The following UHRF1 variants were observed in gnomAD, a reference collection of about 807,000 sequenced individuals.
The protein encoded by UHRF1 is ubiquitin like with PHD and ring finger domains 1.
A neutral mutation model predicts 96.5 loss-of-function variants in UHRF1; 9 were observed. The observed-to-expected ratio is 0.09, with a 90% CI of 0.06 to 0.16. The LOEUF (loss-of-function observed/expected upper bound fraction) is 0.16. UHRF1 is among the 10% of genes least tolerant of loss of function. UHRF1 has a pLI of 1.00. For missense variants in UHRF1, 626 were observed against 1,131.1 expected (o/e 0.55, Z 6.40); for synonymous variants, 455 against 469.9 (o/e 0.97, Z 0.41).
At position 4,940,196 on chromosome 19, in the gene UHRF1, C is replaced by A. The variant is rs115439948; in HGVS notation, c.786-1332C>A. Among the ~76,000 whole-genome samples, 1,354 of 151,990 alleles carry A rather than the reference C, an allele frequency of 8.9e-3. 20 individuals are homozygous for A. The highest frequency in any genetic ancestry group is 0.031 in the African/African-American group (1,295 of 41,452). On this transcript the variant is annotated intron_variant, in intron 5 of 16. Transcript: ENST00000650932. ...CACCTATGTTTACCTCTCAAACGTGCTTATTAGGAAATTTAGAATTACATA... is the reference window on the plus strand; with the variant it reads ...CACCTATGTTTACCTCTCAAACGTGATTATTAGGAAATTTAGAATTACATA...
chr19:4,907,931 C>G (rs979079079), upstream of UHRF1, among the ~76,000 whole-genome samples: 1 of 150,044 alleles, frequency 6.7e-6, no homozygotes, highest in African/African-American at 2.5e-5. Flanking sequence ...AGGCTGGTCT[C>G]GAACTCCTGA....
At chr19:4,920,809 C>T (rs2146308001) in intron 2 of UHRF1, among the ~76,000 whole-genome samples, 3 of 152,248 alleles carry the variant, frequency 2.0e-5, no homozygotes, top group Admixed American at 2.0e-4. Flanking sequence ...TCCCCAGTGG[C>T]TCATGGATCA....
chr19:4,933,204 C>T (rs993120244), intron 5 of UHRF1, among the ~76,000 whole-genome samples: 4 of 152,176 alleles, frequency 2.6e-5, no homozygotes, highest in African/African-American at 9.7e-5. Flanking sequence ...CCCTGACAGG[C>T]AGAGTTGTCA....
chr19:4,945,986 G>A, intron 10 of UHRF1, 21 bp downstream of exon 10: 1 of 1,186,622 alleles, frequency 8.4e-7, no homozygotes, highest in Non-Finnish European at 1.2e-6. Context: ...GTGTGGGAGG[G>A]GTGGGGGAGG....
rs1024442577 is a variant in UHRF1 at position 4,930,017 on chromosome 19, C to G, written c.408+541C>G. 6.6e-6 allele frequency among the ~76,000 whole-genome samples: 1 copy of G among 151,952 alleles called. No individual in the cohort carries two copies. The highest frequency in any genetic ancestry group is 1.5e-5 in the Non-Finnish European group (1 of 68,008). ...TAATACATGGTCTCATTCTGTCGCC[C>G]AGGCTGGAGTACAGTGGTGCCATCT... On this transcript the variant is annotated intron_variant, in intron 3 of 16. Coordinates refer to ENST00000650932, the MANE Select transcript of UHRF1 (RefSeq NM_001048201.3). The surrounding 1 kb of genome is among the most constrained non-coding windows in gnomAD (Gnocchi z 4.4).
chr19:4,954,115 G>T lies in UHRF1; in HGVS notation c.1819-235G>T, dbSNP rs2033789962. On this transcript the variant is annotated intron_variant, in intron 13 of 16. Transcript: ENST00000650932. This position sits in a 1 kb window ranked among gnomAD's most constrained non-coding sequence, Gnocchi z 5.9. ...AGACGTTGGACACTTAGAACAGTGT[G>T]CAGTTTACAACTTAGGAATTGTTTC... is the stretch of plus-strand genomic sequence containing the variant. Among the ~76,000 whole-genome samples, 1 of 152,170 alleles carries T rather than the reference G, an allele frequency of 6.6e-6. No individual in the cohort carries two copies. Among genetic ancestry groups the T allele is most frequent in the Non-Finnish European group, 1.5e-5 (1 of 68,040 alleles).
intron 2 of UHRF1, among the ~76,000 whole-genome samples, chr19:4,917,826 A>C (rs985966820): frequency 2.0e-5 from 3 of 151,688 alleles, no homozygotes; most frequent in African/African-American, 7.3e-5. Context: ...CCCAATATTT[A>C]AATTTTTATT....
chr19:4,946,656 C>T (rs1052993316), intron 10 of UHRF1, among the ~76,000 whole-genome samples: 1 of 151,880 alleles, frequency 6.6e-6, no homozygotes, highest in African/African-American at 2.4e-5. Flanking sequence ...CTCACTACAG[C>T]CACTACCTCC....
intron 11 of UHRF1, 49 bp from the exon 12 acceptor site, chr19:4,950,562 G>T: frequency 1.3e-6 from 2 of 1,567,688 alleles, no homozygotes; most frequent in Admixed American, 2.0e-5. Flanking sequence ...TCCTTTTTTG[G>T]GGGGTACATC....
intron 2 of UHRF1, among the ~76,000 whole-genome samples, chr19:4,927,546 C>T (rs541730839): frequency 2.6e-5 from 4 of 152,150 alleles, no homozygotes; most frequent in Non-Finnish European, 4.4e-5. Flanking sequence ...GGCCTTGGAT[C>T]CCCAAGGGGC....
intron 2 of UHRF1, among the ~76,000 whole-genome samples, chr19:4,923,374 C>G (rs1161379113): frequency 2.6e-5 from 4 of 151,894 alleles, no homozygotes; most frequent in Admixed American, 2.0e-4. Context: ...CAGGCAGCCC[C>G]TCGCCCAGGG....
In UHRF1 at chr19:4,954,928, A is replaced by C. The variant is rs2033817450; in HGVS notation, c.2130+106A>C. On this transcript the variant is annotated intron_variant, in intron 15 of 16. Transcript: ENST00000650932. This position sits in a 1 kb window ranked among gnomAD's most constrained non-coding sequence, Gnocchi z 5.9. ...ATTTTCAAGTGTACAGCTCAGTCGC[A>C]CTGAGTACATTCTTGTGGTTGTGCA... 7.2e-7 allele frequency: 1 copy of C among 1,388,840 alleles called. No homozygotes were observed. Among genetic ancestry groups the C allele is most frequent in the East Asian group, 2.3e-5 (1 of 43,328 alleles). The allele number at this position is 1,388,840 out of a possible 1,614,324, so 86.0% of individuals were successfully genotyped here.
At chr19:4,947,720 C>T (rs867830329) in intron 11 of UHRF1, among the ~76,000 whole-genome samples, 6 of 150,776 alleles carry the variant, frequency 4.0e-5, no homozygotes, top group Admixed American at 2.0e-4. Flanking sequence ...AGGCTGGTCT[C>T]GAACTCCTGA....
intron 2 of UHRF1, among the ~76,000 whole-genome samples, chr19:4,917,131 CTTTT>C (rs2032545129): frequency 0.011 from 509 of 46,174 alleles, 4 homozygotes; most frequent in African/African-American, 0.036. Flanking sequence ...TTTTTTTTTT[CTTTT>C]TTATAGAGAT....
chr19:4,932,128 A>T (rs573114189), intron 4 of UHRF1, among the ~76,000 whole-genome samples: 10 of 151,994 alleles, frequency 6.6e-5, no homozygotes, highest in African/African-American at 1.9e-4. Flanking sequence ...GGGTTTCTCC[A>T]TGTTGGCTGG....
intron 13 of UHRF1, among the ~76,000 whole-genome samples, chr19:4,952,393 C>CTTT (rs150183272): frequency 0.018 from 1,449 of 82,508 alleles, 114 homozygotes; most frequent in East Asian, 0.024. Flanking sequence ...CGCTCCCAGC[C>CTTT]TTTTTTTTTT....
chr19:4,953,248 C>G (rs1184204365), intron 13 of UHRF1, among the ~76,000 whole-genome samples: 1 of 152,170 alleles, frequency 6.6e-6, no homozygotes, highest in African/African-American at 2.4e-5. Context: ...AGGCGTCCCC[C>G]CCTTACCAGG....
chr19:4,932,610 C>A (rs1329425248), intron 4 of UHRF1, 131 bp from the exon 5 acceptor site: 2 of 931,116 alleles, frequency 2.1e-6, no homozygotes, highest in Non-Finnish European at 3.3e-6. Flanking sequence ...GTTCTCAACA[C>A]CAGCATATAA....
At chr19:4,956,610 A>G in intron 15 of UHRF1, 99 bp from the exon 16 acceptor site, 1 of 756,050 alleles carries the variant, frequency 1.3e-6, no homozygotes, top group Non-Finnish European at 2.3e-6. Flanking sequence ...GGCTGGGGAC[A>G]GAATTAGAGG....
Sources: gnomAD v4.1 joint callset for allele counts (sites outside exome capture counted in the v4.1 genomes callset) on GRCh38, gnomAD v4.1.1 for gene constraint, Gnocchi (gnomAD v3.1) non-coding constraint, MANE v1.5 for transcripts, NCBI Gene and HGNC (gene_info 2026-07-23, HGNC 2026-07-21) for gene names.